Variants in ALK observed in about 807,000 individuals in gnomAD.
ALK encodes ALK receptor tyrosine kinase.
A neutral mutation model predicts 163.1 loss-of-function variants in ALK; 74 were observed. That is an observed-to-expected ratio of 0.45 (90% CI 0.38 to 0.55). The LOEUF (loss-of-function observed/expected upper bound fraction) is 0.55, where lower values mean the gene tolerates loss of function less well. ALK is among the 20% of genes least tolerant of loss of function. The probability of loss-of-function intolerance (pLI) is 0.00; values close to 1 mark genes in which losing one functional copy is unlikely to be tolerated. For synonymous variants in ALK, 960 were observed against 843.2 expected (o/e 1.14, Z -2.40); for missense variants, 2,063 against 2,105.3 (o/e 0.98, Z 0.39).
intron 1 of ALK, among the ~76,000 whole-genome samples, chr2:29,915,373 C>A (rs1161814887): frequency 6.6e-6 from 1 of 152,196 alleles, no homozygotes; most frequent in Non-Finnish European, 1.5e-5. Context: ...GCGCATGCCA[C>A]AATGCCTGGC....
rs1353772576 is a variant in ALK at position 29,193,661 on chromosome 2, C to T, written c.4426G>A (p.Val1476Met). 13 of 1,614,158 alleles carry T rather than the reference C, an allele frequency of 8.1e-6. No homozygotes were observed. Among genetic ancestry groups the T allele is most frequent in the African/African-American group, 2.7e-5 (2 of 75,062 alleles). The change falls in exon 29 of 29, where the codon GTG (valine) becomes ATG (methionine). Residue 1476 changes from valine to methionine, a missense_variant. Transcript: ENST00000389048. ...PRGPAVEGGH[V>M]NMAFSQSNPP... The stretch of plus-strand genomic sequence containing the variant: ...TTGGACTGAGAGAATGCCATATTCA[C>T]GTGTCCCCCTTCCACGGCCGGCCCT...
chr2:29,718,202 T>C (rs1679318889), intron 1 of ALK, among the ~76,000 whole-genome samples: 1 of 152,168 alleles, frequency 6.6e-6, no homozygotes, highest in African/African-American at 2.4e-5. Context: ...TTGTCAGGGT[T>C]GTGGGGGAAG....
chr2:29,426,424 T>C (rs911275618), intron 4 of ALK, among the ~76,000 whole-genome samples: 3 of 152,156 alleles, frequency 2.0e-5, no homozygotes, highest in Non-Finnish European at 2.9e-5. Flanking sequence ...AAATGACTTA[T>C]CACTTACAAA....
chr2:29,824,541 T>C (rs956810484), intron 1 of ALK, among the ~76,000 whole-genome samples: 1 of 152,212 alleles, frequency 6.6e-6, no homozygotes, highest in Non-Finnish European at 1.5e-5. Context: ...AGCCCACCTC[T>C]TGCAGGTGTG....
chr2:29,470,695 T>C (rs1430138150), intron 4 of ALK, among the ~76,000 whole-genome samples: 1 of 152,108 alleles, frequency 6.6e-6, no homozygotes, highest in Non-Finnish European at 1.5e-5. Flanking sequence ...ATTTTTTTTT[T>C]TTTTTGCCAG....
At chr2:29,607,829 G>C (rs1675580208) in intron 3 of ALK, among the ~76,000 whole-genome samples, 1 of 151,238 alleles carries the variant, frequency 6.6e-6, no homozygotes, top group Non-Finnish European at 1.5e-5. Context: ...CTGTCTCGTG[G>C]CTTTAATACC....
intron 1 of ALK, among the ~76,000 whole-genome samples, chr2:29,730,312 T>C (rs759093517): frequency 6.6e-6 from 1 of 152,180 alleles, no homozygotes; most frequent in Non-Finnish European, 1.5e-5. Context: ...GGTAGGCACC[T>C]TGTAGAAGTC....
At chr2:29,662,595 ATTAGGGGTGC>A (rs1204009839) in intron 3 of ALK, among the ~76,000 whole-genome samples, 1 of 152,176 alleles carries the variant, frequency 6.6e-6, no homozygotes, top group Non-Finnish European at 1.5e-5. Flanking sequence ...CAAGGTGATC[ATTAGGGGTGC>A]TGGCTCCTTA....
chr2:29,220,314 C>G (rs1184967456), intron 23 of ALK, among the ~76,000 whole-genome samples: 1 of 152,142 alleles, frequency 6.6e-6, no homozygotes, highest in African/African-American at 2.4e-5. Context: ...AGACGTGCCT[C>G]CTTCCCCTTC....
intron 2 of ALK, among the ~76,000 whole-genome samples, chr2:29,700,476 G>T (rs28569062): frequency 6.6e-6 from 1 of 152,086 alleles, no homozygotes; most frequent in Admixed American, 6.6e-5. Context: ...CCCGGGAGGC[G>T]GAGGGTGCGG....
intron 1 of ALK, among the ~76,000 whole-genome samples, chr2:29,729,603 A>T (rs1679678902): frequency 6.6e-6 from 1 of 152,152 alleles, no homozygotes; most frequent in Non-Finnish European, 1.5e-5. Flanking sequence ...GATGTCTAAA[A>T]AGAGGAAATT....
chr2:29,674,409 C>T (rs1330889471), intron 3 of ALK, among the ~76,000 whole-genome samples: 3 of 151,324 alleles, frequency 2.0e-5, no homozygotes, highest in Non-Finnish European at 4.4e-5. Flanking sequence ...TGTCAAAGGC[C>T]TTTTCTGCAT....
At chr2:29,221,835 G>A (rs1028565039) in intron 22 of ALK, among the ~76,000 whole-genome samples, 1 of 152,176 alleles carries the variant, frequency 6.6e-6, no homozygotes, top group Non-Finnish European at 1.5e-5. Context: ...TGTCACAGCG[G>A]ACGCCCTCAG....
At chr2:29,239,944 C>G in intron 12 of ALK, 114 bp from the exon 13 acceptor site, 5 of 1,264,296 alleles carry the variant, frequency 4.0e-6, no homozygotes, top group Non-Finnish European at 5.5e-6. Flanking sequence ...TCTGAGGGTT[C>G]TCCCCCATAT....
chr2:29,677,945 C>T (rs1258349704), intron 3 of ALK, among the ~76,000 whole-genome samples: 3 of 152,026 alleles, frequency 2.0e-5, no homozygotes, highest in African/African-American at 4.8e-5. Flanking sequence ...TTTTCAATTA[C>T]TAATTCAAGT....
At chr2:29,611,251 C>G (rs963788743) in intron 3 of ALK, among the ~76,000 whole-genome samples, 1 of 152,086 alleles carries the variant, frequency 6.6e-6, no homozygotes, top group African/African-American at 2.4e-5. Flanking sequence ...TGGGACAGCA[C>G]AAAGGGAAAG....
intron 1 of ALK, among the ~76,000 whole-genome samples, chr2:29,727,980 C>T (rs942984049): frequency 1.3e-5 from 2 of 152,172 alleles, no homozygotes; most frequent in African/African-American, 2.4e-5. Flanking sequence ...TGAAAAAAAT[C>T]ACAAAATATG....
chr2:29,540,607 C>G (rs1337547878), intron 3 of ALK, among the ~76,000 whole-genome samples: 2 of 147,320 alleles, frequency 1.4e-5, no homozygotes, highest in Non-Finnish European at 3.0e-5. Context: ...AAAAAAAACC[C>G]TATAGGTTTT....
intron 1 of ALK, among the ~76,000 whole-genome samples, chr2:29,763,854 G>A (rs1680783798): frequency 6.6e-6 from 1 of 152,170 alleles, no homozygotes; most frequent in South Asian, 2.1e-4. Context: ...CCAATAGAGG[G>A]AAATGCAGAG....
Sources: gnomAD v4.1 joint callset for allele counts (sites outside exome capture counted in the v4.1 genomes callset) on GRCh38, gnomAD v4.1.1 for gene constraint, MANE v1.5 for transcripts, NCBI Gene and HGNC (gene_info 2026-07-23, HGNC 2026-07-21) for gene names.